DAB1: variants seen among roughly 807,000 people sequenced by gnomAD.
DAB1 encodes the protein disabled homolog 1.
In DAB1, 15 loss-of-function variants were observed where a neutral mutation model predicts 64.6. The observed-to-expected ratio is 0.23, with a 90% CI of 0.16 to 0.36. DAB1 has a LOEUF of 0.36. DAB1 is among the 10% of genes least tolerant of loss of function. The pLI is 1.00. For missense variants in DAB1, 596 were observed against 706.7 expected (o/e 0.84, Z 1.78); for synonymous variants, 235 against 251.9 (o/e 0.93, Z 0.64).
At chr1:57,928,906 G>A (rs1030829654) in intron 5 of DAB1, among the ~76,000 whole-genome samples, 4 of 152,304 alleles carry the variant, frequency 2.6e-5, no homozygotes, top group Admixed American at 2.6e-4. Context: ...GCATCCATGT[G>A]TAAGTTTTTG....
At chr1:58,198,429 T>A (rs992312899) in intron 4 of DAB1, among the ~76,000 whole-genome samples, 19 of 152,216 alleles carry the variant, frequency 1.2e-4, no homozygotes, top group African/African-American at 4.3e-4. Context: ...AGATTCATTG[T>A]GGATAGGCTG....
At chr1:58,183,588 A>G (rs1023906092) in intron 4 of DAB1, among the ~76,000 whole-genome samples, 4 of 152,050 alleles carry the variant, frequency 2.6e-5, no homozygotes, top group African/African-American at 9.7e-5. Context: ...GCCCCTGGAC[A>G]TGCACACACT....
chr1:57,499,805 C>T (rs1644269949), intron 7 of DAB1, among the ~76,000 whole-genome samples: 1 of 152,228 alleles, frequency 6.6e-6, no homozygotes, highest in Non-Finnish European at 1.5e-5. Flanking sequence ...TTTCCAGGTG[C>T]AATTTTGAAT....
chr1:57,062,037 C>T (rs534093187), intron 9 of DAB1, among the ~76,000 whole-genome samples: 19 of 152,164 alleles, frequency 1.2e-4, no homozygotes, highest in East Asian at 1.9e-4. Flanking sequence ...CACTGGCTCC[C>T]GAGAGCTGCC....
At chr1:57,820,331 T>G (rs1005436396) in intron 6 of DAB1, among the ~76,000 whole-genome samples, 2 of 152,202 alleles carry the variant, frequency 1.3e-5, no homozygotes, top group Non-Finnish European at 2.9e-5. Context: ...AGCCCAGCTC[T>G]GAATAATACA....
At chr1:57,528,639 C>CAG (rs200941947) in intron 7 of DAB1, among the ~76,000 whole-genome samples, 108,903 of 139,478 alleles carry the variant, frequency 0.78, 39,599 homozygotes, top group South Asian at 0.83. Context: ...AGCAGCAGGA[C>CAG]ACACACACAC....
chr1:57,510,439 C>G (rs1644393504), intron 7 of DAB1, among the ~76,000 whole-genome samples: 1 of 152,160 alleles, frequency 6.6e-6, no homozygotes, highest in South Asian at 2.1e-4. Flanking sequence ...CTTATGTCTT[C>G]TCTATCTATA....
At chr1:58,527,339 A>G in intron 1 of DAB1, 1 of 871,488 alleles carries the variant, frequency 1.1e-6, no homozygotes, top group South Asian at 1.3e-5. Context: ...ACATATACTA[A>G]GAAGAAATGA....
chr1:57,570,234 C>T (rs1337302643), intron 7 of DAB1, among the ~76,000 whole-genome samples: 1 of 152,078 alleles, frequency 6.6e-6, no homozygotes, highest in African/African-American at 2.4e-5. Flanking sequence ...GCTTAGCTTC[C>T]CAGCCTACAA....
At chr1:57,851,894 CCT>C (rs1289762342) in intron 1 of DAB1, among the ~76,000 whole-genome samples, 1 of 152,172 alleles carries the variant, frequency 6.6e-6, no homozygotes, top group East Asian at 1.9e-4. Context: ...ATGGCTAACT[CCT>C]ATGTTGTCTC....
At chr1:58,285,414 A>G (rs1661659067) in intron 4 of DAB1, among the ~76,000 whole-genome samples, 1 of 152,196 alleles carries the variant, frequency 6.6e-6, no homozygotes, top group Admixed American at 6.5e-5. Flanking sequence ...ACATGATCTT[A>G]TATCTAGGAA....
At chr1:58,381,570 C>G (rs1412236086) in intron 3 of DAB1, among the ~76,000 whole-genome samples, 1 of 152,096 alleles carries the variant, frequency 6.6e-6, no homozygotes, top group African/African-American at 2.4e-5. Context: ...GCCTCAAGTA[C>G]AATGTGAGAT....
chr1:57,065,505 A>C (rs529237762), intron 8 of DAB1, among the ~76,000 whole-genome samples: 1 of 152,204 alleles, frequency 6.6e-6, no homozygotes, highest in Non-Finnish European at 1.5e-5. Context: ...TCCAGGGTCT[A>C]TAAGCTTGCT....
At chr1:57,753,761 G>A (rs1648663680) in intron 6 of DAB1, among the ~76,000 whole-genome samples, 1 of 152,130 alleles carries the variant, frequency 6.6e-6, no homozygotes, top group African/African-American at 2.4e-5. Context: ...TTTTAGTGGT[G>A]GAATCTGAAG....
intron 4 of DAB1, among the ~76,000 whole-genome samples, chr1:58,151,092 T>C (rs940581267): frequency 2.6e-5 from 4 of 152,212 alleles, no homozygotes; most frequent in Non-Finnish European, 5.9e-5. Flanking sequence ...CGGTCTATCA[T>C]TGATGGACAT....
intron 3 of DAB1, among the ~76,000 whole-genome samples, chr1:57,139,393 C>G (rs1441900496): frequency 2.0e-5 from 3 of 152,104 alleles, no homozygotes; most frequent in Non-Finnish European, 4.4e-5. Context: ...ACCTGCTGGC[C>G]CCTTGATCCT....
chr1:57,962,909 A>T lies in DAB1; in HGVS notation n.388-78747T>A, dbSNP rs183712845. Among the ~76,000 whole-genome samples, 563 of 151,882 alleles carry T rather than the reference A, an allele frequency of 3.7e-3. 3 individuals are homozygous for T. Among genetic ancestry groups the T allele is most frequent in the African/African-American group, 0.013 (519 of 41,450 alleles). ...CAAAACAAAAAAAAATAAAAACCTC[A>T]AGAGCCACTTTTAAAATTTTTTACT... On this transcript the variant is annotated intron_variant and non_coding_transcript_variant, in intron 5 of 20. Coordinates refer to the DAB1 transcript ENST00000485760.
At chr1:57,477,148 C>T (rs1158722273) in intron 7 of DAB1, among the ~76,000 whole-genome samples, 1 of 152,190 alleles carries the variant, frequency 6.6e-6, no homozygotes, top group Non-Finnish European at 1.5e-5. Context: ...ATCTGTTGCA[C>T]ACAGAAGGCC....
intron 3 of DAB1, among the ~76,000 whole-genome samples, chr1:58,349,642 T>C (rs11207201): frequency 0.033 from 5,007 of 152,054 alleles, 170 homozygotes; most frequent in East Asian, 0.18. Flanking sequence ...TGGTGTGTGA[T>C]GTTCCCCTCC....
Sources: gnomAD v4.1 joint callset for allele counts (sites outside exome capture counted in the v4.1 genomes callset) on GRCh38, gnomAD v4.1.1 for gene constraint, MANE v1.5 for transcripts, NCBI Gene and HGNC (gene_info 2026-07-23, HGNC 2026-07-21) for gene names.